The following AGBL4 variants were observed in gnomAD, a reference collection of about 807,000 sequenced individuals.
AGBL4 encodes AGBL carboxypeptidase 4.
Under a neutral mutation model 66.4 loss-of-function variants are expected in AGBL4, and 58 were observed. The observed-to-expected ratio is 0.87, with a 90% CI of 0.71 to 1.09. The LOEUF is 1.09. Among genes scored for constraint, AGBL4 ranks in the 50% least tolerant of loss-of-function variants. The probability of loss-of-function intolerance (pLI) is 0.00; values close to 1 mark genes in which losing one functional copy is unlikely to be tolerated. For missense variants in AGBL4, 579 were observed against 631.0 expected (o/e 0.92, Z 0.88); for synonymous variants, 234 against 222.9 (o/e 1.05, Z -0.44).
downstream of AGBL4, among the ~76,000 whole-genome samples, chr1:48,530,958 G>A (rs962173274): frequency 7.6e-4 from 115 of 152,290 alleles, no homozygotes; most frequent in African/African-American, 2.6e-3. Context: ...CCTCTGGCGG[G>A]TTGTACACCT....
chr1:49,639,043 A>T (rs1645730621), intron 3 of AGBL4, among the ~76,000 whole-genome samples: 1 of 152,188 alleles, frequency 6.6e-6, no homozygotes, highest in South Asian at 2.1e-4. Context: ...GGATCCCAAT[A>T]CAAACCCAGT....
chr1:49,882,809 T>C (rs1571795879), intron 1 of AGBL4, among the ~76,000 whole-genome samples: 1 of 152,158 alleles, frequency 6.6e-6, no homozygotes, highest in Non-Finnish European at 1.5e-5. Context: ...GTAAGCAGTT[T>C]GCATTTTAGA....
chr1:49,952,347 T>C (rs1260078774), intron 1 of AGBL4, among the ~76,000 whole-genome samples: 5 of 151,848 alleles, frequency 3.3e-5, no homozygotes, highest in South Asian at 2.1e-4. Context: ...ATAAAATCAA[T>C]AAAAGTGGTG....
intron 1 of AGBL4, among the ~76,000 whole-genome samples, chr1:49,972,076 C>T (rs939432713): frequency 2.1e-4 from 31 of 151,168 alleles, no homozygotes; most frequent in African/African-American, 7.3e-4. Flanking sequence ...TGCCACCACA[C>T]CCGGCTAATT....
chr1:48,980,985 A>C (rs1659720707), intron 5 of AGBL4, among the ~76,000 whole-genome samples: 1 of 151,948 alleles, frequency 6.6e-6, no homozygotes, highest in Non-Finnish European at 1.5e-5. Context: ...GCTGAGATTA[A>C]ATCTGACCTC....
At chr1:49,647,600 T>C (rs2124432474) in intron 3 of AGBL4, among the ~76,000 whole-genome samples, 1 of 152,264 alleles carries the variant, frequency 6.6e-6, no homozygotes, top group East Asian at 1.9e-4. Flanking sequence ...AGAAAGATCC[T>C]CCATGATCCA....
At chr1:49,314,572 A>G (rs1015113225) in intron 3 of AGBL4, among the ~76,000 whole-genome samples, 3 of 152,008 alleles carry the variant, frequency 2.0e-5, no homozygotes, top group African/African-American at 7.2e-5. Context: ...CATCTTTTTT[A>G]TGGCTGCATA....
chr1:50,019,822 G>C (rs1045147148), intron 1 of AGBL4, among the ~76,000 whole-genome samples: 20 of 152,096 alleles, frequency 1.3e-4, no homozygotes, highest in African/African-American at 4.3e-4. Flanking sequence ...AATCTAGCAT[G>C]AGACTAATAC....
chr1:49,793,579 T>A (rs1210602998), intron 2 of AGBL4, among the ~76,000 whole-genome samples: 1 of 151,974 alleles, frequency 6.6e-6, no homozygotes. Flanking sequence ...AGCATCTGCG[T>A]AAATAGTAGG....
intron 5 of AGBL4, among the ~76,000 whole-genome samples, chr1:48,919,160 G>T (rs1653871959): frequency 6.6e-6 from 1 of 152,016 alleles, no homozygotes; most frequent in South Asian, 2.1e-4. Flanking sequence ...GAGGGATTTT[G>T]GTCTAAAAGT....
intron 3 of AGBL4, among the ~76,000 whole-genome samples, chr1:49,391,745 T>G (rs530735878): frequency 5.9e-5 from 9 of 152,076 alleles, no homozygotes; most frequent in Non-Finnish European, 1.2e-4. Context: ...GTATTTTTAG[T>G]GGAGATGGGG....
intron 6 of AGBL4, among the ~76,000 whole-genome samples, chr1:48,718,479 C>G (rs1647089023): frequency 6.6e-6 from 1 of 152,208 alleles, no homozygotes; most frequent in African/African-American, 2.4e-5. Context: ...GAAAAAAGAA[C>G]CCCAGATTCT....
At chr1:49,465,530 C>T (rs527848542) in intron 3 of AGBL4, among the ~76,000 whole-genome samples, 1 of 151,898 alleles carries the variant, frequency 6.6e-6, no homozygotes, top group East Asian at 1.9e-4. Flanking sequence ...TTTTATATAT[C>T]CCCAGTGCCT....
chr1:48,596,645 A>G (rs1644998670), intron 9 of AGBL4, among the ~76,000 whole-genome samples: 1 of 152,146 alleles, frequency 6.6e-6, no homozygotes. Context: ...AAGGTTTGCT[A>G]TATTGCCCAG....
At chr1:49,822,702 A>T (rs1557481566) in intron 2 of AGBL4, among the ~76,000 whole-genome samples, 1 of 152,170 alleles carries the variant, frequency 6.6e-6, no homozygotes, top group Non-Finnish European at 1.5e-5. Context: ...CTCATACTGA[A>T]GTATTTACAA....
chr1:49,160,766 GA>G, intron 4 of AGBL4, among the ~76,000 whole-genome samples: 1 of 152,176 alleles, frequency 6.6e-6, no homozygotes, highest in East Asian at 1.9e-4. Flanking sequence ...GAGGAATCCA[GA>G]GAGGCAGTCT....
chr1:48,630,884 A>G (rs1645582317), intron 9 of AGBL4, among the ~76,000 whole-genome samples: 1 of 152,106 alleles, frequency 6.6e-6, no homozygotes, highest in South Asian at 2.1e-4. Context: ...CTCTGCCTGG[A>G]AAGTTCTCCC....
intron 2 of AGBL4, among the ~76,000 whole-genome samples, chr1:49,847,983 G>C (rs970181687): frequency 6.6e-6 from 1 of 152,180 alleles, no homozygotes; most frequent in Non-Finnish European, 1.5e-5. Flanking sequence ...TTACAGGCGT[G>C]AGCCACCATG....
chr1:49,403,489 C>A (rs1645130720), intron 3 of AGBL4, among the ~76,000 whole-genome samples: 1 of 151,986 alleles, frequency 6.6e-6, no homozygotes, highest in African/African-American at 2.4e-5. Flanking sequence ...ATTCTAAATT[C>A]CTTCTCTGTT....
Sources: gnomAD v4.1 joint callset for allele counts (sites outside exome capture counted in the v4.1 genomes callset) on GRCh38, gnomAD v4.1.1 for gene constraint, MANE v1.5 for transcripts, NCBI Gene and HGNC (gene_info 2026-07-23, HGNC 2026-07-21) for gene names.